The following EIF3B variants were observed in gnomAD, a reference collection of about 807,000 sequenced individuals.
EIF3B encodes the protein eukaryotic translation initiation factor 3 subunit B.
Under a neutral mutation model 104.6 loss-of-function variants are expected in EIF3B, and 10 were observed. The observed-to-expected ratio is 0.10, with a 90% CI of 0.06 to 0.16. The LOEUF (loss-of-function observed/expected upper bound fraction) is 0.16, where lower values mean the gene tolerates loss of function less well. Among genes scored for constraint, EIF3B ranks in the 10% least tolerant of loss-of-function variants. The probability of loss-of-function intolerance (pLI) is 1.00; values close to 1 mark genes in which losing one functional copy is unlikely to be tolerated. For synonymous variants in EIF3B, 542 were observed against 417.2 expected (o/e 1.30, Z -3.65); for missense variants, 1,014 against 1,087.9 (o/e 0.93, Z 0.96).
chr7:2,355,721 T>G (rs1779385057), intron 1 of EIF3B, among the ~76,000 whole-genome samples: 1 of 152,110 alleles, frequency 6.6e-6, no homozygotes, highest in Admixed American at 6.6e-5. Flanking sequence ...GGGTACTCCG[T>G]TATGGCTGGG....
At chr7:2,362,888 T>G in intron 3 of EIF3B, 124 bp downstream of exon 3, 1 of 1,500,084 alleles carries the variant, frequency 6.7e-7, no homozygotes, top group Non-Finnish European at 9.1e-7. Flanking sequence ...CTGGTCAGGC[T>G]GCCGCAGAGC....
At chr7:2,372,242 T>G (rs1236230547) in intron 11 of EIF3B, 2 of 230,924 alleles carry the variant, frequency 8.7e-6, no homozygotes, top group Non-Finnish European at 1.7e-5. Context: ...GTGTTCTTGT[T>G]TGGCTTTTTG....
chr7:2,360,604 T>G, intron 1 of EIF3B, 106 bp from the exon 2 acceptor site: 2 of 918,338 alleles, frequency 2.2e-6, no homozygotes, highest in Non-Finnish European at 3.2e-6. Context: ...GTGAAAGCAT[T>G]TAGACAATTC....
chr7:2,366,185 T>C lies in EIF3B; in HGVS notation c.1158-132T>C, dbSNP rs538024662. 64 of 932,808 alleles carry C rather than the reference T, an allele frequency of 6.9e-5. 2 individuals carry two copies. The South Asian group carries it at 9.2e-4, about 13-fold the overall frequency. The allele number at this position is 932,808 out of a possible 1,614,324, so 57.8% of individuals were successfully genotyped here. A position where few individuals can be genotyped will look rare whatever the true frequency, so the allele number is the denominator to read the frequency against. The stretch of plus-strand genomic sequence containing the variant: ...GCTTCCCGCTTCCGCTTGGGTCTCT[T>C]GGGGCCGGGCAGTGTGGGGTTTGGG... On this transcript the variant is annotated intron_variant, in intron 6 of 18. Coordinates refer to ENST00000360876, the MANE Select transcript of EIF3B (RefSeq NM_001037283.2).
intron 1 of EIF3B, 143 bp from the exon 2 acceptor site, chr7:2,360,567 C>G (rs1779673603): frequency 3.2e-6 from 2 of 629,994 alleles, no homozygotes; most frequent in African/African-American, 1.8e-5. Context: ...CTGAAACAAG[C>G]TAGGGTTAGG....
intron 11 of EIF3B, 99 bp downstream of exon 11, chr7:2,371,948 G>A: frequency 1.0e-6 from 1 of 963,636 alleles, no homozygotes; most frequent in Admixed American, 1.8e-5. Context: ...GAGCAGCTGA[G>A]TCAGGACTGT....
chr7:2,372,317 G>A (rs770060030), intron 11 of EIF3B: 7 of 243,042 alleles, frequency 2.9e-5, no homozygotes, highest in East Asian at 8.6e-5. Flanking sequence ...AAACATGGCC[G>A]CCCTTCCAGG....
At chr7:2,368,856 C>T (rs538573497) in intron 9 of EIF3B, among the ~76,000 whole-genome samples, 9 of 152,196 alleles carry the variant, frequency 5.9e-5, no homozygotes, top group South Asian at 2.1e-4. Flanking sequence ...TTTCTTCTTT[C>T]GTTTTTACAT....
At position 2,355,092 on chromosome 7, in the gene EIF3B, C is replaced by T. The variant is rs1404341743; in HGVS notation, c.171C>T (p.Ile57=). ...AGGCCTCCAGTGAGGAGGTGGGGAT[C>T]GCGGAGGCCGGGCCGGAGTCCGAGG... ...GTEASSEEVG[I]AEAGPESEVR... is the part of the protein sequence containing the mutation. The change falls in exon 1 of 19, where the codon ATC becomes ATT. Residue 57 remains isoleucine, a synonymous_variant. Coordinates refer to ENST00000360876, the MANE Select transcript of EIF3B (RefSeq NM_001037283.2). The T allele has an allele frequency of 3.7e-6, 5 of 1,336,774 alleles. No homozygotes were observed. Among genetic ancestry groups the T allele is most frequent in the Non-Finnish European group, 3.8e-6 (4 of 1,048,556 alleles). The allele number at this position is 1,336,774 out of a possible 1,614,324, so 82.8% of individuals were successfully genotyped here. A position where few individuals can be genotyped will look rare whatever the true frequency, so the allele number is the denominator to read the frequency against.
Position 2,372,674 on chromosome 7 carries a change from A to C in EIF3B, c.1689A>C (p.Glu563Asp), listed in dbSNP as rs771396373. The change falls in exon 12 of 19, where the codon GAA becomes GAC. Residue 563 changes from glutamate to aspartate, a missense_variant and splice_region_variant. By Grantham distance (45) the Glu-to-Asp change is conservative. Transcript: ENST00000360876. ...QVPVDVVEMK[E>D]TIIAFAWEPN... ...AGGGGTCTGTTTTGTGCATTTTAGAAACCATCATAGCCTTTGCCTGGGAAC... is the reference window on the plus strand; with the variant it reads ...AGGGGTCTGTTTTGTGCATTTTAGACACCATCATAGCCTTTGCCTGGGAAC... 1 of 1,613,644 alleles carries C rather than the reference A, an allele frequency of 6.2e-7. No homozygotes were observed. Among genetic ancestry groups the C allele is most frequent in the Non-Finnish European group, 8.5e-7 (1 of 1,179,678 alleles).
intron 1 of EIF3B, among the ~76,000 whole-genome samples, chr7:2,358,131 C>G (rs1214766584): frequency 1.3e-5 from 2 of 151,462 alleles, no homozygotes; most frequent in Non-Finnish European, 2.9e-5. Flanking sequence ...GTCTCATTCT[C>G]TTGCTCAGAC....
chr7:2,365,783 C>G (rs557825687), intron 6 of EIF3B, among the ~76,000 whole-genome samples: 1 of 150,382 alleles, frequency 6.6e-6, no homozygotes, highest in Non-Finnish European at 1.5e-5. Flanking sequence ...TCAAGCTATT[C>G]TCCTGCCTCA....
intron 1 of EIF3B, 100 bp from the exon 2 acceptor site, chr7:2,360,610 A>C: frequency 1.0e-6 from 1 of 981,880 alleles, no homozygotes; most frequent in Non-Finnish European, 1.5e-6. Flanking sequence ...GCATTTAGAC[A>C]ATTCATTGTC....
Position 2,372,969 on chromosome 7 carries a change from G to A in EIF3B, c.1810+174G>A, listed in dbSNP as rs545909561. On this transcript the variant is annotated intron_variant, in intron 12 of 18. Transcript: ENST00000360876. The stretch of plus-strand genomic sequence containing the variant: ...AAGTGAGCGATGGCCTGGAGGTGCC[G>A]CCTCCTTGCAGGGTGTCTCTCTGAG... 31 of 518,466 alleles carry A rather than the reference G, an allele frequency of 6.0e-5. No individual in the cohort carries two copies. In the East Asian group the frequency reaches 7.8e-4, roughly 13 times the overall value. The allele number at this position is 518,466 out of a possible 1,614,324, so 32.1% of individuals were successfully genotyped here. A position where few individuals can be genotyped will look rare whatever the true frequency, so the allele number is the denominator to read the frequency against.
At chr7:2,369,115 C>G (rs1023965874) in intron 9 of EIF3B, among the ~76,000 whole-genome samples, 1 of 152,190 alleles carries the variant, frequency 6.6e-6, no homozygotes, top group African/African-American at 2.4e-5. Flanking sequence ...GACATGTAGC[C>G]AGATCCGTCA....
In EIF3B at chr7:2,380,712, G is replaced by A. The variant is rs967701282; in HGVS notation, c.*523G>A. On this transcript the variant is annotated 3_prime_UTR_variant, in exon 19 of 19. Coordinates refer to ENST00000360876, the MANE Select transcript of EIF3B (RefSeq NM_001037283.2). ...TTGTGGCCGGTTTTCTCCGCAGGTT[G>A]AACATGGAAATAAAAGCAAACTTGT... 4.9e-5 allele frequency: 9 copies of A among 184,258 alleles called. No individual in the cohort carries two copies. The highest frequency in any genetic ancestry group is 4.7e-4 in the Admixed American group (8 of 17,146). The allele number at this position is 184,258 out of a possible 1,614,324, so 11.4% of individuals were successfully genotyped here.
rs1231082738 is a variant in EIF3B at position 2,363,642 on chromosome 7, G to A, written c.881G>A (p.Arg294His). The change falls in exon 5 of 19, where the codon CGT becomes CAT. Residue 294 changes from arginine to histidine, a missense_variant. Around this residue, in one of 4 missense-constraint regions of EIF3B, gnomAD observed 201 missense variants for 240.7 expected, o/e 0.83. Coordinates refer to ENST00000360876, the MANE Select transcript of EIF3B (RefSeq NM_001037283.2). ...GTCTTTGTTTTTAAGGGGAACTTAC[G>A]TTACTGGCTTGAAGAGGCAGAATGC... is the stretch of plus-strand genomic sequence containing the variant. The part of the protein sequence containing the change: ...KQPFKDLGNL[R>H]YWLEEAECRD... 11 of 1,600,802 alleles carry A rather than the reference G, an allele frequency of 6.9e-6. No individual in the cohort carries two copies. The highest frequency in any genetic ancestry group is 2.3e-5 in the South Asian group (2 of 87,698).
rs1424473293 is a variant in EIF3B, at chr7:2,380,363, A to G, written c.*174A>G. 1 of 518,826 alleles carries G rather than the reference A, an allele frequency of 1.9e-6. No individual in the cohort carries two copies. The highest frequency in any genetic ancestry group is 3.8e-6 in the Non-Finnish European group (1 of 259,768). 32.1% of individuals were successfully genotyped at this position (518,826 alleles called of 1,614,324 possible). On this transcript the variant is annotated 3_prime_UTR_variant, in exon 19 of 19. Coordinates refer to ENST00000360876, the MANE Select transcript of EIF3B (RefSeq NM_001037283.2). ...TCCTCCCTGTGCTCTCTGGCTCTGG[A>G]CTGTGACTGCGCCTGGATTCTGCCA...
chr7:2,376,538 C>CT (rs1780641607), intron 14 of EIF3B: 1 of 161,300 alleles, frequency 6.2e-6, no homozygotes, highest in South Asian at 1.8e-4. Flanking sequence ...CAGCACAGGG[C>CT]TCCGCACAGC....
Sources: allele counts gnomAD v4.1 joint callset (sites outside exome capture counted in the v4.1 genomes callset), GRCh38; gene constraint gnomAD v4.1.1; regional missense constraint gnomAD v4.1.1; transcripts MANE v1.5; gene names NCBI Gene and HGNC (gene_info 2026-07-23, HGNC 2026-07-21).